WWOX: variants seen among roughly 807,000 people sequenced by gnomAD.
WWOX encodes the protein WW domain containing oxidoreductase.
WWOX carries 69 observed loss-of-function variants against 46.2 expected under a neutral mutation model. The observed-to-expected ratio is 1.49, with a 90% CI of 1.23 to 1.82. The LOEUF is 1.82. WWOX is among the 40% of genes most tolerant of loss of function. The probability of loss-of-function intolerance (pLI) is 0.00; values close to 1 mark genes in which losing one functional copy is unlikely to be tolerated. For missense variants in WWOX, 919 were observed against 542.6 expected (o/e 1.69, Z -6.89); for synonymous variants, 359 against 202.6 (o/e 1.77, Z -6.56).
In WWOX at chr16:78,993,198, T is replaced by C. The variant is rs79692918; in HGVS notation, c.1057-218410T>C. 3.7e-3 allele frequency among the ~76,000 whole-genome samples: 560 copies of C among 150,984 alleles called. 6 individuals are homozygous for C. Among genetic ancestry groups the C allele is most frequent in the Admixed American group, 0.013 (190 of 15,112 alleles). ...GTTAACTTGTAGCAATGAGTTTCTG[T>C]GACAAAGGGAAATCAGTTTGTTTGC... On this transcript the variant is annotated intron_variant, in intron 8 of 8. Transcript: ENST00000566780.
chr16:78,582,875 A>G lies in WWOX; in HGVS notation c.1056+150123A>G, dbSNP rs76312183. Among the ~76,000 whole-genome samples, 724 of 152,214 alleles carry G rather than the reference A, an allele frequency of 4.8e-3. 5 individuals are homozygous for G. The highest frequency in any genetic ancestry group is 0.017 in the African/African-American group (686 of 41,534). ...AGGCCCTTCTAGTGATGTACCGGGA[A>G]CCTCCTATGGGAACCAGAGCTCTGC... On this transcript the variant is annotated intron_variant, in intron 8 of 8. Coordinates refer to ENST00000566780, the MANE Select transcript of WWOX (RefSeq NM_016373.4).
intron 8 of WWOX, among the ~76,000 whole-genome samples, chr16:79,152,090 A>G (rs1456886589): frequency 2.0e-5 from 3 of 152,306 alleles, no homozygotes; most frequent in Middle Eastern, 3.4e-3. Flanking sequence ...CTCTAATACT[A>G]TTGAGAAGTT....
chr16:78,169,315 A>C (rs921694402), intron 5 of WWOX, among the ~76,000 whole-genome samples: 1 of 152,040 alleles, frequency 6.6e-6, no homozygotes, highest in Non-Finnish European at 1.5e-5. Context: ...AATCCATGTG[A>C]GTTCTCTAAG....
intron 5 of WWOX, among the ~76,000 whole-genome samples, chr16:78,222,217 C>T (rs1260988460): frequency 6.6e-6 from 1 of 152,072 alleles, no homozygotes; most frequent in Admixed American, 6.6e-5. Flanking sequence ...AGGGGCTAAG[C>T]TGTCTCCTGG....
At chr16:78,432,466 T>G in intron 7 of WWOX, 22 bp from the exon 8 acceptor site, 1 of 1,613,152 alleles carries the variant, frequency 6.2e-7, no homozygotes, top group Non-Finnish European at 8.5e-7. Context: ...GGTTGCTTCA[T>G]GTCATATTTC....
chr16:78,298,996 T>A (rs999957137), intron 5 of WWOX, among the ~76,000 whole-genome samples: 2 of 152,160 alleles, frequency 1.3e-5, no homozygotes, highest in Non-Finnish European at 2.9e-5. Context: ...GAAGAAAGTT[T>A]ACGCCAAAAA....
At position 78,348,138 on chromosome 16, in the gene WWOX, G is replaced by T. The variant is rs1250185405; in HGVS notation, c.517-38722G>T. On this transcript the variant is annotated intron_variant, in intron 5 of 8. Transcript: ENST00000566780. ...TCCCTGCAATGGGAACAGAGCTGAGGCTCCTAAGGTCTAGAGTCAACATGA... is the reference window on the plus strand; with the variant it reads ...TCCCTGCAATGGGAACAGAGCTGAGTCTCCTAAGGTCTAGAGTCAACATGA... Among the ~76,000 whole-genome samples, 2 of 122,256 alleles carry T rather than the reference G, an allele frequency of 1.6e-5. 1 individual carries two copies. The highest frequency in any genetic ancestry group is 1.6e-4 in the Admixed American group (2 of 12,642). The allele number at this position is 122,256 out of a possible 152,430, so 80.2% of individuals were successfully genotyped here. A position where few individuals can be genotyped will look rare whatever the true frequency, so the allele number is the denominator to read the frequency against.
intron 8 of WWOX, among the ~76,000 whole-genome samples, chr16:78,608,111 T>C (rs773765653): frequency 5.9e-5 from 9 of 152,188 alleles, no homozygotes; most frequent in Non-Finnish European, 4.4e-5. Flanking sequence ...TGATGTGGCT[T>C]TCTCCAAGCC....
intron 8 of WWOX, among the ~76,000 whole-genome samples, chr16:78,653,516 G>C (rs553169574): frequency 2.0e-5 from 3 of 152,340 alleles, no homozygotes; most frequent in Admixed American, 6.5e-5. Flanking sequence ...GGGTGCTTAT[G>C]AGGAAGGTTT....
At chr16:78,763,072 C>G (rs13332195) in intron 8 of WWOX, among the ~76,000 whole-genome samples, 5,287 of 152,214 alleles carry the variant, frequency 0.035, 311 homozygotes, top group African/African-American at 0.12. Context: ...TGCAATAAAG[C>G]AGATTTTTCC....
At chr16:79,056,762 C>G (rs766967554) in intron 8 of WWOX, among the ~76,000 whole-genome samples, 1 of 152,242 alleles carries the variant, frequency 6.6e-6, no homozygotes, top group South Asian at 2.1e-4. Context: ...GTTTTTCTTG[C>G]TAAGTTTATG....
intron 8 of WWOX, among the ~76,000 whole-genome samples, chr16:78,906,112 G>C (rs2044956615): frequency 6.6e-6 from 1 of 152,216 alleles, no homozygotes; most frequent in South Asian, 2.1e-4. Flanking sequence ...TGAGGAGTCT[G>C]AGGGGAATGC....
At chr16:78,709,053 C>G (rs573934205) in intron 8 of WWOX, among the ~76,000 whole-genome samples, 7 of 152,286 alleles carry the variant, frequency 4.6e-5, no homozygotes, top group Non-Finnish European at 7.3e-5. Context: ...CCCCCTGACC[C>G]CTTATGAAGT....
chr16:78,281,266 G>A (rs923241931), intron 5 of WWOX, among the ~76,000 whole-genome samples: 10 of 152,224 alleles, frequency 6.6e-5, no homozygotes, highest in African/African-American at 9.6e-5. Flanking sequence ...CTCCGCCCCA[G>A]TGATTCAAAT....
rs531956940 is a variant in WWOX at position 78,224,380 on chromosome 16, G to A, written c.516+60091G>A. Among the ~76,000 whole-genome samples the A allele has an allele frequency of 6.0e-4, 90 of 149,588 alleles. 1 individual carries two copies. Among genetic ancestry groups the A allele is most frequent in the African/African-American group, 2.2e-3 (89 of 40,510 alleles). ...CAATATGTAATTCCTGATAACACAC[G>A]TATATATTATCTCTTTAAAAATTAA... On this transcript the variant is annotated intron_variant, in intron 5 of 8. Transcript: ENST00000566780.
intron 8 of WWOX, among the ~76,000 whole-genome samples, chr16:78,554,640 A>T (rs1426089990): frequency 6.6e-6 from 1 of 152,124 alleles, no homozygotes; most frequent in Non-Finnish European, 1.5e-5. Context: ...GACAAGAAAA[A>T]ATCCCCAGGA....
intron 8 of WWOX, among the ~76,000 whole-genome samples, chr16:78,507,536 G>A (rs1330630058): frequency 6.6e-6 from 1 of 152,142 alleles, no homozygotes; most frequent in Non-Finnish European, 1.5e-5. Flanking sequence ...TACACGCAGA[G>A]AGACCCACTG....
chr16:79,028,957 T>C (rs1373391798), intron 8 of WWOX, among the ~76,000 whole-genome samples: 3 of 151,728 alleles, frequency 2.0e-5, no homozygotes, highest in African/African-American at 7.3e-5. Context: ...AAAGAGCATA[T>C]CTAGTACCTA....
At chr16:78,450,888 T>C (rs921602677) in intron 8 of WWOX, among the ~76,000 whole-genome samples, 1 of 152,214 alleles carries the variant, frequency 6.6e-6, no homozygotes, top group Non-Finnish European at 1.5e-5. Flanking sequence ...TTCTGAAATA[T>C]ACCCAATAAT....
Sources: allele counts gnomAD v4.1 joint callset (sites outside exome capture counted in the v4.1 genomes callset), GRCh38; gene constraint gnomAD v4.1.1; transcripts MANE v1.5; gene names NCBI Gene and HGNC (gene_info 2026-07-23, HGNC 2026-07-21).